KIAA1549: variants seen among roughly 807,000 people sequenced by gnomAD.
KIAA1549 encodes KIAA1549.
A neutral mutation model predicts 156.4 loss-of-function variants in KIAA1549; 70 were observed. The observed-to-expected ratio is 0.45, with a 90% CI of 0.37 to 0.55. The LOEUF is 0.55. KIAA1549 is among the 20% of genes least tolerant of loss of function. The pLI is 0.00. For synonymous variants in KIAA1549, 1,103 were observed against 1,066.4 expected (o/e 1.03, Z -0.67); for missense variants, 2,428 against 2,540.9 (o/e 0.96, Z 0.96).
chr7:138,876,341 A>T (rs1189802507), intron 12 of KIAA1549: 1 of 152,218 alleles, frequency 6.6e-6, no homozygotes, highest in Non-Finnish European at 1.5e-5. Flanking sequence ...ACTATTTTGC[A>T]AACTCTTTTA....
At chr7:138,905,727 C>T (rs530460816) in intron 6 of KIAA1549, among the ~76,000 whole-genome samples, 2 of 151,298 alleles carry the variant, frequency 1.3e-5, no homozygotes, top group Admixed American at 6.6e-5. Flanking sequence ...TTTAAATAAA[C>T]GTCTCCCCTT....
At chr7:138,900,918 A>G (rs889223983) in intron 8 of KIAA1549, among the ~76,000 whole-genome samples, 1 of 152,132 alleles carries the variant, frequency 6.6e-6, no homozygotes, top group African/African-American at 2.4e-5. Flanking sequence ...TTCTTTACAA[A>G]CCCAGCCTCA....
chr7:138,846,138 T>C (rs926638674), intron 17 of KIAA1549, among the ~76,000 whole-genome samples: 2 of 152,176 alleles, frequency 1.3e-5, no homozygotes, highest in Non-Finnish European at 2.9e-5. Context: ...TAACATAAAT[T>C]TTTAATTAAT....
chr7:138,864,949 C>A (rs1000933769), intron 15 of KIAA1549, among the ~76,000 whole-genome samples: 3 of 152,166 alleles, frequency 2.0e-5, no homozygotes, highest in African/African-American at 7.2e-5. Flanking sequence ...TCTATTTAGG[C>A]CAGGTTTGGT....
chr7:138,980,213 T>G (rs181767712), intron 1 of KIAA1549, among the ~76,000 whole-genome samples: 22 of 152,364 alleles, frequency 1.4e-4, no homozygotes, highest in African/African-American at 4.8e-4. Context: ...GTCAAGTGCC[T>G]GTGCAGGGGC....
intron 1 of KIAA1549, among the ~76,000 whole-genome samples, chr7:138,952,076 GAAC>G (rs1260680091): frequency 1.3e-5 from 2 of 152,180 alleles, no homozygotes; most frequent in East Asian, 3.9e-4. Flanking sequence ...CTGCACGGGT[GAAC>G]GCACGGAAGG....
chr7:138,918,287 C>T lies in KIAA1549; in HGVS notation c.1339G>A (p.Gly447Ser). 6.2e-7 allele frequency: 1 copy of T among 1,613,982 alleles called. No individual in the cohort carries two copies. The highest frequency in any genetic ancestry group is 8.5e-7 in the Non-Finnish European group (1 of 1,179,890). ...ACGGTCATGCACAGAGTCTCGGCACCATCCCCTGATCCCACGTCTTTCTCC... is the reference window on the plus strand; with the variant it reads ...ACGGTCATGCACAGAGTCTCGGCACTATCCCCTGATCCCACGTCTTTCTCC... ...LMEKDVGSGD[G>S]AETLCMTVLE... Residue 447 changes from glycine to serine, a missense_variant, in exon 2 of 20, where the codon GGT becomes AGT. Physicochemically the swap from Gly to Ser is moderately conservative, Grantham distance 56. This residue lies in a region of KIAA1549 where 893 missense variants were observed against 847.9 expected (regional missense o/e 1.05). Transcript: ENST00000422774. This position sits in a 1 kb window ranked among gnomAD's most constrained non-coding sequence, Gnocchi z 4.2.
At chr7:138,921,847 A>G (rs138996864) in intron 1 of KIAA1549, among the ~76,000 whole-genome samples, 2 of 152,192 alleles carry the variant, frequency 1.3e-5, no homozygotes, top group African/African-American at 4.8e-5. Context: ...CCTGGGAGAC[A>G]AAGTGAGACT....
In KIAA1549 at chr7:138,965,625, T is replaced by C. The variant is rs148721476; in HGVS notation, c.187+15458A>G. On this transcript the variant is annotated intron_variant, in intron 1 of 19. Coordinates refer to ENST00000422774, the MANE Select transcript of KIAA1549 (RefSeq NM_001164665.2). ...ATCTGTATTTCCTGACAACTAAAGA[T>C]TCCGTGATAAAGTGTGAAGCGAAAA... Among the ~76,000 whole-genome samples the C allele has an allele frequency of 7.5e-4, 113 of 149,670 alleles. No individual in the cohort carries two copies. The Middle Eastern group carries it at 0.01, about 14-fold the overall frequency.
chr7:138,922,899 AAT>A (rs1313471602), intron 1 of KIAA1549, among the ~76,000 whole-genome samples: 1 of 152,154 alleles, frequency 6.6e-6, no homozygotes, highest in African/African-American at 2.4e-5. Context: ...TGCCAAAATT[AAT>A]ATGAGAAACG....
chr7:138,977,655 AACACACACACACAC>A (rs10625706), intron 1 of KIAA1549, among the ~76,000 whole-genome samples: 33 of 146,916 alleles, frequency 2.2e-4, no homozygotes, highest in African/African-American at 7.6e-4. Context: ...TACTCAAGAA[AACACACACACACAC>A]ACACACACAC....
At chr7:138,967,556 C>T (rs76093331) in intron 1 of KIAA1549, among the ~76,000 whole-genome samples, 2,842 of 152,286 alleles carry the variant, frequency 0.019, 42 homozygotes, top group Non-Finnish European at 0.028. Flanking sequence ...AAGCCCAATT[C>T]TAGGGGCTAG....
Position 138,870,998 on chromosome 7 carries a change from G to A in KIAA1549, c.4551+159C>T, listed in dbSNP as rs192713214. 3.6e-3 allele frequency among the ~76,000 whole-genome samples: 541 copies of A among 152,242 alleles called. 1 individual carries two copies. Among genetic ancestry groups the A allele is most frequent in the Non-Finnish European group, 4.8e-3 (326 of 68,010 alleles). ...ACGCCCAGCTAATTTTGTATTTTTA[G>A]TAGAGATGGCGTTTCACCATGTTGG... On this transcript the variant is annotated intron_variant, in intron 13 of 19. Coordinates refer to ENST00000422774, the MANE Select transcript of KIAA1549 (RefSeq NM_001164665.2).
intron 1 of KIAA1549, among the ~76,000 whole-genome samples, chr7:138,962,289 C>A (rs1813877978): frequency 6.6e-6 from 1 of 152,202 alleles, no homozygotes; most frequent in Non-Finnish European, 1.5e-5. Context: ...GTAATTGTAT[C>A]TTTTCTCTCC....
intron 10 of KIAA1549, among the ~76,000 whole-genome samples, chr7:138,885,617 T>C (rs561495086): frequency 6.6e-6 from 1 of 152,320 alleles, no homozygotes; most frequent in East Asian, 1.9e-4. Flanking sequence ...CTGACCGCCT[T>C]GGGCCATTTA....
At position 138,844,425 on chromosome 7, in the gene KIAA1549, C is replaced by T. The variant is rs753366558; in HGVS notation, c.5344G>A (p.Asp1782Asn). 2.5e-6 allele frequency: 4 copies of T among 1,588,430 alleles called. No homozygotes were observed. The highest frequency in any genetic ancestry group is 3.4e-6 in the Non-Finnish European group (4 of 1,168,442). ...GCGGAGGCCTGTGGCTGCTGAGGGT[C>T]AGGGGGCACCAGCTCTGTAGACTGC... ...LLQSTELVPP[D>N]PQQPQASAEA... Residue 1782 changes from aspartate (D) to asparagine (N), a missense_variant, in exon 18 of 20, where the codon GAC (aspartate) becomes AAC (asparagine). Physicochemically the swap from Asp to Asn is conservative, Grantham distance 23. This residue lies in a region of KIAA1549 where 363 missense variants were observed against 354.0 expected (regional missense o/e 1.03). Coordinates refer to ENST00000422774, the MANE Select transcript of KIAA1549 (RefSeq NM_001164665.2).
At chr7:138,937,619 G>C (rs968978384) in intron 1 of KIAA1549, among the ~76,000 whole-genome samples, 3 of 152,222 alleles carry the variant, frequency 2.0e-5, no homozygotes, top group African/African-American at 7.2e-5. Flanking sequence ...CCGAGAGAGA[G>C]AGACAGGAAG....
intron 15 of KIAA1549, among the ~76,000 whole-genome samples, chr7:138,862,062 T>C (rs1036058002): frequency 8.5e-5 from 13 of 152,280 alleles, no homozygotes; most frequent in African/African-American, 2.9e-4. Flanking sequence ...AAAAATCATA[T>C]TTCAAAGTTT....
intron 19 of KIAA1549, among the ~76,000 whole-genome samples, chr7:138,838,408 G>T (rs1012492476): frequency 2.0e-5 from 3 of 152,054 alleles, no homozygotes; most frequent in Admixed American, 1.3e-4. Context: ...AGCTGAAGGA[G>T]GTTAAGCGGA....
Sources: gnomAD v4.1 joint callset for allele counts (sites outside exome capture counted in the v4.1 genomes callset) on GRCh38, gnomAD v4.1.1 for gene constraint, gnomAD v4.1.1 regional missense constraint, Gnocchi (gnomAD v3.1) non-coding constraint, MANE v1.5 for transcripts, NCBI Gene and HGNC (gene_info 2026-07-23, HGNC 2026-07-21) for gene names.